The following SLC15A1 variants were observed in gnomAD, a reference collection of about 807,000 sequenced individuals.
SLC15A1 encodes the protein Caco-2 oligopeptide transporter.
Under a neutral mutation model 92.9 loss-of-function variants are expected in SLC15A1, and 83 were observed. That is an observed-to-expected ratio of 0.89 (90% CI 0.75 to 1.07). The LOEUF is 1.07. Ranked by LOEUF, SLC15A1 falls within the 50% of genes least tolerant of loss-of-function variation. The pLI, the probability that SLC15A1 is intolerant of heterozygous loss-of-function variation, is 0.00. For synonymous variants in SLC15A1, 322 were observed against 318.2 expected, an observed-to-expected ratio of 1.01 and a Z score of -0.13; for missense variants, 857 against 880.1, an observed-to-expected ratio of 0.97 and a Z score of 0.33.
intron 16 of SLC15A1, among the ~76,000 whole-genome samples, chr13:98,704,652 T>C (rs142939434): frequency 1.3e-5 from 2 of 152,168 alleles, no homozygotes; most frequent in African/African-American, 2.4e-5. Context: ...ACAGGAACCA[T>C]ACTTTTCACC....
intron 1 of SLC15A1, among the ~76,000 whole-genome samples, chr13:98,727,847 G>C (rs1676208725): frequency 6.6e-6 from 1 of 152,038 alleles, no homozygotes. Context: ...AGAGTTCTTT[G>C]TTGCCAGGGC....
chr13:98,710,808 CAA>C (rs4646225), intron 11 of SLC15A1, among the ~76,000 whole-genome samples: 4,895 of 71,420 alleles, frequency 0.069, 73 homozygotes, highest in East Asian at 0.18. Flanking sequence ...ACTCTTGACT[CAA>C]AAAAAAAAAA....
At position 98,728,360 on chromosome 13, in the gene SLC15A1, A is replaced by AT. The variant is rs1201389796; in HGVS notation, c.5-1502dup. Among the ~76,000 whole-genome samples the AT allele has an allele frequency of 1.3e-5, 2 of 151,948 alleles. 1 individual carries two copies. Among genetic ancestry groups the AT allele is most frequent in the African/African-American group, 4.8e-5 (2 of 41,422 alleles). On this transcript the variant is annotated intron_variant, in intron 1 of 22. Coordinates refer to ENST00000376503, the MANE Select transcript of SLC15A1 (RefSeq NM_005073.4). ...TTTGTTGTTGTATATGAATTTTAGG[A>AT]TTTTTTTCTATTTCTATGAAAGTTG...
intron 5 of SLC15A1, 83 bp downstream of exon 5, chr13:98,723,829 T>G: frequency 6.3e-7 from 1 of 1,583,488 alleles, no homozygotes; most frequent in South Asian, 1.2e-5. Flanking sequence ...CTCAGTGAAG[T>G]TCAAGGAAAA....
intron 18 of SLC15A1, among the ~76,000 whole-genome samples, chr13:98,699,979 A>C (rs1465824768): frequency 3.3e-5 from 5 of 152,202 alleles, no homozygotes; most frequent in Non-Finnish European, 5.9e-5. Context: ...ATTTAAATTA[A>C]GATTATACAG....
Position 98,690,406 on chromosome 13 carries a change from G to T in SLC15A1, c.1467-1829C>A, listed in dbSNP as rs374532945. ...CTTAGCTAGAATTCCCACTGCTCTA[G>T]ACTGTAAGAGCTGCTTTTATCAAAG... is the stretch of plus-strand genomic sequence containing the variant. On this transcript the variant is annotated intron_variant, in intron 18 of 22. Coordinates refer to ENST00000376503, the MANE Select transcript of SLC15A1 (RefSeq NM_005073.4). 1.9e-3 allele frequency among the ~76,000 whole-genome samples: 292 copies of T among 152,274 alleles called. 1 individual carries two copies. Among genetic ancestry groups the T allele is most frequent in the Middle Eastern group, 0.014 (4 of 294 alleles).
intron 5 of SLC15A1, 42 bp downstream of exon 5, chr13:98,723,870 A>C: frequency 6.2e-7 from 1 of 1,611,518 alleles, no homozygotes; most frequent in Non-Finnish European, 8.5e-7. Flanking sequence ...AAATGCGCAC[A>C]AGGTGGGAGG....
intron 18 of SLC15A1, among the ~76,000 whole-genome samples, chr13:98,693,353 C>A (rs1477314595): frequency 1.3e-5 from 2 of 152,166 alleles, no homozygotes; most frequent in Non-Finnish European, 2.9e-5. Flanking sequence ...TCACATTGGC[C>A]TCCCAAAGTG....
At chr13:98,709,246 GGC>G (rs199882618) in intron 14 of SLC15A1, among the ~76,000 whole-genome samples, 2,271 of 152,244 alleles carry the variant, frequency 0.015, 60 homozygotes, top group African/African-American at 0.052. Context: ...TGGAATTACA[GGC>G]GTGAGCCACT....
intron 8 of SLC15A1, among the ~76,000 whole-genome samples, chr13:98,718,985 T>C (rs780790495): frequency 7.2e-5 from 11 of 152,198 alleles, no homozygotes; most frequent in Non-Finnish European, 1.0e-4. Context: ...GCCTAAATAG[T>C]ATTACACCTT....
rs1368187511 is a variant in SLC15A1, at chr13:98,684,804, C to T, written c.2047G>A (p.Asp683Asn). The T allele has an allele frequency of 6.2e-7, 1 of 1,613,936 alleles. No individual in the cohort carries two copies. The highest frequency in any genetic ancestry group is 1.3e-5 in the African/African-American group (1 of 74,874). Residue 683 changes from aspartate (D) to asparagine (N), a missense_variant, in exon 23 of 23, where the codon GAT becomes AAT. Coordinates refer to ENST00000376503, the MANE Select transcript of SLC15A1 (RefSeq NM_005073.4). Reference protein sequence around the residue: ...INPAEIEAQFDEDEKKNRLEK... With the variant: ...INPAEIEAQFNEDEKKNRLEK... ...AGTCTGTTTTTCTTTTCATCCTCAT[C>T]AAATTGAGCTTCGATCTCCGCTGGG...
In SLC15A1 at chr13:98,684,923, G is replaced by T. The variant is rs769627158; in HGVS notation, c.1936-8C>A. On this transcript the variant is annotated splice_region_variant and splice_polypyrimidine_tract_variant and intron_variant, in intron 22 of 22. Coordinates refer to ENST00000376503, the MANE Select transcript of SLC15A1 (RefSeq NM_005073.4). ...TAGAATGTACTCGGCCCACTTTGAA[G>T]AAATCAGAGTTGGAGCAGGAAAAAG... The T allele has an allele frequency of 3.7e-6, 6 of 1,607,704 alleles. No individual in the cohort carries two copies. Among genetic ancestry groups the T allele is most frequent in the Non-Finnish European group, 5.1e-6 (6 of 1,176,244 alleles).
chr13:98,686,326 C>A (rs373854593), intron 21 of SLC15A1, 29 bp from the exon 22 acceptor site: 2 of 1,471,546 alleles, frequency 1.4e-6, no homozygotes, highest in African/African-American at 2.8e-5. Flanking sequence ...GTGAGTCCTG[C>A]TCCAGGTCTC....
In SLC15A1 at chr13:98,687,585, GA is replaced by G; in HGVS notation, c.1822del (p.Ser608LeufsTer7). 6.2e-7 allele frequency: 1 copy of G among 1,613,996 alleles called. No homozygotes were observed. Among genetic ancestry groups the G allele is most frequent in the Non-Finnish European group, 8.5e-7 (1 of 1,179,968 alleles). On this transcript the variant is annotated frameshift_variant, in exon 21 of 23. Transcript: ENST00000376503. LOFTEE classifies it high-confidence loss of function. ...TAAATACAACAAACAAGAAACCTGA[GA>G]ATATGAGAATTCCAATCCCGTGACA... ...FSVTGLEFSY[S>X]QAPSNMKSVL...
At chr13:98,745,539 C>A (rs757259195) in intron 1 of SLC15A1, among the ~76,000 whole-genome samples, 1 of 152,122 alleles carries the variant, frequency 6.6e-6, no homozygotes, top group East Asian at 1.9e-4. Context: ...TAGAGTGCTC[C>A]TAAGAAGAGG....
intron 17 of SLC15A1, 120 bp downstream of exon 17, chr13:98,704,169 A>C (rs2088092256): frequency 5.5e-6 from 5 of 907,896 alleles, no homozygotes; most frequent in Non-Finnish European, 8.0e-6. Context: ...AGAAGAAGGA[A>C]GAAATTGAGG....
At chr13:98,687,910 G>T (rs940103632) in intron 20 of SLC15A1, among the ~76,000 whole-genome samples, 186 bp from the exon 21 acceptor site, 1 of 152,150 alleles carries the variant, frequency 6.6e-6, no homozygotes, top group African/African-American at 2.4e-5. Flanking sequence ...CGTTCAGGAG[G>T]ATTTTTCTTT....
chr13:98,721,798 C>T lies in SLC15A1; in HGVS notation c.465+6G>A, dbSNP rs746040526. The T allele has an allele frequency of 1.2e-6, 2 of 1,613,558 alleles. No homozygotes were observed. The highest frequency in any genetic ancestry group is 2.2e-5 in the South Asian group (2 of 91,018). On this transcript the variant is annotated splice_donor_region_variant and intron_variant, in intron 6 of 22. Transcript: ENST00000376503. ...ACGTGGGCTCTGGGGAGGCCCCTAC[C>T]CTTACCTGGCCCTCTTCAAACTGAT... is the stretch of plus-strand genomic sequence containing the variant.
intron 18 of SLC15A1, among the ~76,000 whole-genome samples, chr13:98,701,663 G>T (rs1179018246): frequency 7.5e-6 from 1 of 134,166 alleles, no homozygotes; most frequent in Non-Finnish European, 1.6e-5. Flanking sequence ...ACCATACTCA[G>T]CTAATTTTTT....
Sources: allele counts gnomAD v4.1 joint callset (sites outside exome capture counted in the v4.1 genomes callset), GRCh38; gene constraint gnomAD v4.1.1; transcripts MANE v1.5; gene names NCBI Gene and HGNC (gene_info 2026-07-23, HGNC 2026-07-21).